The following CREB5 variants were observed in gnomAD, a reference collection of about 807,000 sequenced individuals.
CREB5 encodes the protein cAMP responsive element binding protein 5, also known as cyclic AMP-responsive element-binding protein 5.
CREB5 carries 19 observed loss-of-function variants against 57.1 expected under a neutral mutation model. That is an observed-to-expected ratio of 0.33 (90% CI 0.23 to 0.49). The LOEUF (loss-of-function observed/expected upper bound fraction) is 0.49, where lower values mean the gene tolerates loss of function less well. CREB5 is among the 20% of genes least tolerant of loss of function. CREB5 has a pLI of 0.99. For synonymous variants in CREB5, 238 were observed against 238.3 expected (o/e 1.00, Z 0.01); for missense variants, 579 against 671.6 (o/e 0.86, Z 1.52).
rs1554344444 is a variant in CREB5, at chr7:28,560,897, C to CGTGCGTGTGCGTGCGTGT, written c.292-9463_292-9462insTGTGCGTGCGTGTGTGCG. On this transcript the variant is annotated intron_variant, in intron 4 of 10. Coordinates refer to ENST00000357727, the MANE Select transcript of CREB5 (RefSeq NM_182898.4). ...GCGCGTGCGTGCGTGCGTGTGTGTG[C>CGTGCGTGTGCGTGCGTGT]GTGCGCGCGTGCGTGTGCGTGTGTG... 8.9e-5 allele frequency among the ~76,000 whole-genome samples: 2 copies of CGTGCGTGTGCGTGCGTGT among 22,526 alleles called. 1 individual carries two copies. Among genetic ancestry groups the CGTGCGTGTGCGTGCGTGT allele is most frequent in the African/African-American group, 3.1e-4 (2 of 6,368 alleles). 14.8% of individuals were successfully genotyped at this position (22,526 alleles called of 152,430 possible).
intron 5 of CREB5, among the ~76,000 whole-genome samples, chr7:28,672,520 A>G (rs1037943540): frequency 1.3e-5 from 2 of 152,198 alleles, no homozygotes; most frequent in African/African-American, 4.8e-5. Flanking sequence ...AACGTACTAT[A>G]AAATAGGCTC....
rs143856497 is a variant in CREB5, at chr7:28,305,985, GT to G, written c.-25+6554del. ...TGGACACGTGTACAGATTTTAATTA[GT>G]TTTTTTTTTGCAAAAGTGATAAGCT... On this transcript the variant is annotated intron_variant, in intron 1 of 9. Coordinates refer to the CREB5 transcript ENST00000396299. Among the ~76,000 whole-genome samples the G allele has an allele frequency of 3.4e-3, 509 of 147,708 alleles. 1 individual carries two copies. The highest frequency in any genetic ancestry group is 0.011 in the African/African-American group (462 of 40,388).
At chr7:28,631,268 G>C (rs1038179758) in intron 5 of CREB5, among the ~76,000 whole-genome samples, 10 of 152,174 alleles carry the variant, frequency 6.6e-5, no homozygotes, top group African/African-American at 2.4e-4. Flanking sequence ...CTTCACAGCT[G>C]TTTGTGAGTT....
At chr7:28,516,538 G>GC (rs1304646711) in intron 4 of CREB5, among the ~76,000 whole-genome samples, 1 of 152,194 alleles carries the variant, frequency 6.6e-6, no homozygotes, top group Non-Finnish European at 1.5e-5. Context: ...CCTCAGCTCA[G>GC]CTGCAGCCTG....
intron 10 of CREB5, 88 bp downstream of exon 10, chr7:28,818,267 A>G: frequency 2.2e-6 from 2 of 890,074 alleles, no homozygotes; most frequent in East Asian, 2.4e-5. Flanking sequence ...GAGCAAAAGT[A>G]AAGTGTAGAT....
At chr7:28,558,843 TGTG>T (rs1794972292) in intron 4 of CREB5, among the ~76,000 whole-genome samples, 1 of 152,190 alleles carries the variant, frequency 6.6e-6, no homozygotes, top group Admixed American at 6.5e-5. Context: ...TCAGCATCCT[TGTG>T]GTACTTTTAT....
At chr7:28,497,678 C>A (rs1792112759) in intron 3 of CREB5, among the ~76,000 whole-genome samples, 1 of 152,182 alleles carries the variant, frequency 6.6e-6, no homozygotes, top group Non-Finnish European at 1.5e-5. Context: ...GGTTCAATTT[C>A]TTTGCACTTA....
chr7:28,644,108 G>A (rs911100153), intron 5 of CREB5, among the ~76,000 whole-genome samples: 1 of 149,308 alleles, frequency 6.7e-6, no homozygotes, highest in Non-Finnish European at 1.5e-5. Context: ...GGGAGGGAGG[G>A]GAGAAAGACA....
At chr7:28,447,925 G>A (rs747293282) in intron 1 of CREB5, among the ~76,000 whole-genome samples, 51 of 152,220 alleles carry the variant, frequency 3.4e-4, no homozygotes, top group Admixed American at 2.1e-3. Context: ...GACTTTTTGG[G>A]AGAGTGTATG....
chr7:28,496,686 T>G (rs770193935), intron 3 of CREB5, among the ~76,000 whole-genome samples: 1 of 152,136 alleles, frequency 6.6e-6, no homozygotes, highest in Non-Finnish European at 1.5e-5. Flanking sequence ...ACACATCCAG[T>G]GACTTGTTGA....
chr7:28,474,762 T>C (rs1460316242), intron 1 of CREB5, among the ~76,000 whole-genome samples: 2 of 152,174 alleles, frequency 1.3e-5, no homozygotes, highest in African/African-American at 4.8e-5. Flanking sequence ...CTGAGGGCTT[T>C]GGAAATAACT....
chr7:28,310,786 G>A (rs1785261928), intron 1 of CREB5, among the ~76,000 whole-genome samples: 1 of 152,122 alleles, frequency 6.6e-6, no homozygotes, highest in Non-Finnish European at 1.5e-5. Context: ...ACGTGCTTCA[G>A]TGTTCTGAAT....
At chr7:28,706,595 T>C (rs895269901) in intron 5 of CREB5, among the ~76,000 whole-genome samples, 8 of 152,198 alleles carry the variant, frequency 5.3e-5, no homozygotes, top group African/African-American at 1.9e-4. Flanking sequence ...TTGAGATCCT[T>C]GAATGCAAAG....
At chr7:28,612,131 G>A (rs1797417026) in intron 5 of CREB5, among the ~76,000 whole-genome samples, 1 of 152,146 alleles carries the variant, frequency 6.6e-6, no homozygotes, top group South Asian at 2.1e-4. Context: ...TAGCTCTCCA[G>A]GTAGCAATGA....
intron 4 of CREB5, among the ~76,000 whole-genome samples, chr7:28,516,466 C>A (rs35298927): frequency 0.36 from 55,120 of 151,870 alleles, 10,255 homozygotes; most frequent in Admixed American, 0.41. Flanking sequence ...AATAAATGAC[C>A]GAAAAAAGAA....
chr7:28,730,783 T>C lies in CREB5; in HGVS notation c.702+6451T>C, dbSNP rs528487131. On this transcript the variant is annotated intron_variant, in intron 7 of 10. Coordinates refer to ENST00000357727, the MANE Select transcript of CREB5 (RefSeq NM_182898.4). The stretch of plus-strand genomic sequence containing the variant: ...TGCTTGTTTTATAGACACAGAGAGG[T>C]TAAGTGACTTTTCCAGGATCACTCA... 5.9e-5 allele frequency among the ~76,000 whole-genome samples: 9 copies of C among 152,174 alleles called. No homozygotes were observed. The South Asian group carries it at 1.9e-3, about 32-fold the overall frequency.
intron 1 of CREB5, among the ~76,000 whole-genome samples, chr7:28,442,400 C>T (rs1232613449): frequency 6.6e-6 from 1 of 152,150 alleles, no homozygotes; most frequent in Non-Finnish European, 1.5e-5. Flanking sequence ...CTGCAGCAAA[C>T]ATGGGGGTGC....
intron 5 of CREB5, among the ~76,000 whole-genome samples, chr7:28,624,534 G>T (rs1797927672): frequency 6.6e-6 from 1 of 152,156 alleles, no homozygotes; most frequent in African/African-American, 2.4e-5. Context: ...AACAGGCTGT[G>T]TACAAAAAGA....
At chr7:28,444,858 C>T (rs962899063) in intron 1 of CREB5, among the ~76,000 whole-genome samples, 2 of 152,162 alleles carry the variant, frequency 1.3e-5, no homozygotes, top group African/African-American at 2.4e-5. Context: ...GATGTGATGA[C>T]TCTTGTGGGG....
Sources: gnomAD v4.1 joint callset for allele counts (sites outside exome capture counted in the v4.1 genomes callset) on GRCh38, gnomAD v4.1.1 for gene constraint, MANE v1.5 for transcripts, NCBI Gene and HGNC (gene_info 2026-07-23, HGNC 2026-07-21) for gene names.